The following FOXO3 variants were observed in gnomAD, a reference collection of about 807,000 sequenced individuals.
FOXO3 encodes the protein forkhead box protein O3.
In FOXO3, 4 loss-of-function variants were observed where a neutral mutation model predicts 41.9. That is an observed-to-expected ratio of 0.10 (90% confidence interval 0.05 to 0.22). FOXO3 has a LOEUF of 0.22. Ranked by LOEUF, FOXO3 falls within the 10% of genes least tolerant of loss-of-function variation. FOXO3 has a pLI of 1.00. For missense variants in FOXO3, 534 were observed against 906.8 expected (o/e 0.59, Z 5.28); for synonymous variants, 318 against 389.3 (o/e 0.82, Z 2.16).
At chr6:108,585,538 GGA>G (rs745851376) in intron 1 of FOXO3, among the ~76,000 whole-genome samples, 2 of 152,128 alleles carry the variant, frequency 1.3e-5, no homozygotes, top group Non-Finnish European at 2.9e-5. Flanking sequence ...AAGTTGGCAG[GGA>G]GGCCATGGCT....
intron 1 of FOXO3, among the ~76,000 whole-genome samples, chr6:108,581,372 T>C (rs1776416025): frequency 6.6e-6 from 1 of 152,128 alleles, no homozygotes; most frequent in South Asian, 2.1e-4. Context: ...TGGCAGAGGC[T>C]GGAGGGTTGT....
chr6:108,679,213 C>G (rs1254432310), intron 2 of FOXO3, among the ~76,000 whole-genome samples: 1 of 152,124 alleles, frequency 6.6e-6, no homozygotes, highest in South Asian at 2.1e-4. Context: ...TAATTACTTA[C>G]TCTTTTTATG....
intron 1 of FOXO3, among the ~76,000 whole-genome samples, chr6:108,587,400 C>T (rs141610159): frequency 2.0e-3 from 311 of 152,218 alleles, no homozygotes; most frequent in African/African-American, 7.3e-3. Flanking sequence ...AAGGTGGTTT[C>T]GTTGAGGAGC....
chr6:108,654,321 T>A (rs1427173234), intron 1 of FOXO3, among the ~76,000 whole-genome samples: 1 of 152,092 alleles, frequency 6.6e-6, no homozygotes, highest in African/African-American at 2.4e-5. Context: ...TAATAATTAA[T>A]ATGAAAATAA....
intron 1 of FOXO3, among the ~76,000 whole-genome samples, chr6:108,613,671 C>T (rs536977126): frequency 7.9e-5 from 12 of 152,092 alleles, no homozygotes; most frequent in East Asian, 1.9e-4. Context: ...ATCTTTTAAA[C>T]GAATTAACAT....
At chr6:108,564,429 A>G (rs973364542) in intron 1 of FOXO3, among the ~76,000 whole-genome samples, 1 of 152,244 alleles carries the variant, frequency 6.6e-6, no homozygotes, top group Non-Finnish European at 1.5e-5. Flanking sequence ...ACGCATGTGC[A>G]TTTAAACCAC....
intron 1 of FOXO3, among the ~76,000 whole-genome samples, chr6:108,592,991 A>G (rs1197187792): frequency 6.6e-6 from 1 of 152,194 alleles, no homozygotes; most frequent in East Asian, 1.9e-4. Flanking sequence ...CGTGCTTAGG[A>G]ATGCATAATT....
At chr6:108,585,279 G>A (rs1040875876) in intron 1 of FOXO3, among the ~76,000 whole-genome samples, 5 of 152,210 alleles carry the variant, frequency 3.3e-5, no homozygotes, top group South Asian at 2.1e-4. Context: ...TCCTGACCTC[G>A]TGATCCACCC....
intron 1 of FOXO3, among the ~76,000 whole-genome samples, chr6:108,615,365 A>G (rs1210453706): frequency 6.6e-6 from 1 of 152,136 alleles, no homozygotes; most frequent in Non-Finnish European, 1.5e-5. Context: ...AGACACTTTT[A>G]ATAGGTATAA....
intron 1 of FOXO3, among the ~76,000 whole-genome samples, chr6:108,604,463 G>A (rs1444988683): frequency 6.6e-6 from 1 of 152,038 alleles, no homozygotes; most frequent in Non-Finnish European, 1.5e-5. Flanking sequence ...TAACAGCGAC[G>A]TGCCTTTGCC....
intron 1 of FOXO3, among the ~76,000 whole-genome samples, chr6:108,636,870 C>G (rs901801964): frequency 6.6e-6 from 1 of 152,176 alleles, no homozygotes; most frequent in African/African-American, 2.4e-5. Context: ...TTACAGGACC[C>G]TGGCACCTGG....
chr6:108,561,573 G>A lies in FOXO3; in HGVS notation c.365G>A (p.Gly122Asp). 11 of 1,482,670 alleles carry A rather than the reference G, an allele frequency of 7.4e-6. No individual in the cohort carries two copies. The highest frequency in any genetic ancestry group is 9.8e-6 in the Non-Finnish European group (11 of 1,120,144). The allele number at this position is 1,482,670 out of a possible 1,614,324, so 91.8% of individuals were successfully genotyped here. Residue 122 changes from glycine to aspartate, a missense_variant, in exon 1 of 3, where the codon GGT becomes GAT. By Grantham distance (94) the Gly-to-Asp change is moderately conservative. This residue lies in a region of FOXO3 where 139 missense variants were observed against 163.7 expected (regional missense o/e 0.85). Transcript: ENST00000406360. ...PATAAGGLSGGTQALLQPQQP... is the reference protein window; with the variant it reads ...PATAAGGLSGDTQALLQPQQP... ...ACCGCGGCGGGCGGGCTGAGCGGGG[G>A]TACACAGGCGCTGCTGCAGCCTCAG...
intron 1 of FOXO3, among the ~76,000 whole-genome samples, chr6:108,603,946 G>A (rs146938349): frequency 8.0e-4 from 122 of 152,138 alleles, no homozygotes; most frequent in African/African-American, 2.7e-3. Context: ...ATATCTATAG[G>A]TCCAGGAATT....
intron 1 of FOXO3, among the ~76,000 whole-genome samples, chr6:108,564,932 T>G (rs1431717733): frequency 6.6e-6 from 1 of 152,202 alleles, no homozygotes; most frequent in African/African-American, 2.4e-5. Context: ...CACAGCTAGT[T>G]AGTAGAGAGG....
intron 1 of FOXO3, among the ~76,000 whole-genome samples, chr6:108,640,829 A>G (rs1778237764): frequency 6.6e-6 from 1 of 152,208 alleles, no homozygotes; most frequent in South Asian, 2.1e-4. Flanking sequence ...AGTTCATTCA[A>G]CAAATATATA....
At chr6:108,643,734 G>T (rs1435652717) in intron 1 of FOXO3, among the ~76,000 whole-genome samples, 1 of 152,120 alleles carries the variant, frequency 6.6e-6, no homozygotes, top group Admixed American at 6.6e-5. Flanking sequence ...TAGCAGTGTT[G>T]CCCACTAATT....
At chr6:108,609,620 G>A (rs1777301669) in intron 1 of FOXO3, among the ~76,000 whole-genome samples, 1 of 152,190 alleles carries the variant, frequency 6.6e-6, no homozygotes, top group Non-Finnish European at 1.5e-5. Context: ...CTGTGAGTTT[G>A]TTTCTCGCTG....
intron 1 of FOXO3, among the ~76,000 whole-genome samples, chr6:108,610,871 T>C (rs976744368): frequency 6.6e-6 from 1 of 152,242 alleles, no homozygotes; most frequent in African/African-American, 2.4e-5. Context: ...GTTATTGAGT[T>C]GTAATTTGAA....
At chr6:108,643,960 T>C (rs1387994057) in intron 1 of FOXO3, among the ~76,000 whole-genome samples, 2 of 152,248 alleles carry the variant, frequency 1.3e-5, no homozygotes, top group African/African-American at 2.4e-5. Context: ...TTTTGCAAGA[T>C]GGAAGGACTG....
Sources: gnomAD v4.1 joint callset for allele counts (sites outside exome capture counted in the v4.1 genomes callset) on GRCh38, gnomAD v4.1.1 for gene constraint, gnomAD v4.1.1 regional missense constraint, MANE v1.5 for transcripts, NCBI Gene and HGNC (gene_info 2026-07-23, HGNC 2026-07-21) for gene names.